Variants in FANCA observed in about 807,000 individuals in gnomAD.
FANCA encodes Fanconi anemia group A protein.
FANCA carries 236 observed loss-of-function variants against 194.3 expected under a neutral mutation model. That is an observed-to-expected ratio of 1.21 (90% CI 1.09 to 1.35). The LOEUF is 1.35. FANCA is among the 40% of genes most tolerant of loss of function. The probability of loss-of-function intolerance (pLI) is 0.00; values close to 1 mark genes in which losing one functional copy is unlikely to be tolerated. For synonymous variants in FANCA, 1,014 were observed against 715.8 expected (o/e 1.42, Z -6.65); for missense variants, 2,628 against 1,813.9 (o/e 1.45, Z -8.15).
chr16:89,815,262 C>T (rs2041060135), intron 2 of FANCA, among the ~76,000 whole-genome samples: 1 of 151,128 alleles, frequency 6.6e-6, no homozygotes, highest in Non-Finnish European at 1.5e-5. Context: ...GTCTCGAACT[C>T]CTAACCTCAA....
chr16:89,811,600 A>C (rs2040882845), intron 3 of FANCA, among the ~76,000 whole-genome samples: 1 of 152,220 alleles, frequency 6.6e-6, no homozygotes, highest in South Asian at 2.1e-4. Context: ...AACAGCCTGC[A>C]GGCAGCCACC....
chr16:89,801,842 C>T (rs531938103), intron 8 of FANCA, among the ~76,000 whole-genome samples: 50 of 151,868 alleles, frequency 3.3e-4, no homozygotes, highest in Admixed American at 9.2e-4. Context: ...GAGCCGAAAT[C>T]GCGCCACTGC....
intron 27 of FANCA, among the ~76,000 whole-genome samples, chr16:89,765,456 A>C (rs1436151598): frequency 6.6e-6 from 1 of 152,278 alleles, no homozygotes; most frequent in Non-Finnish European, 1.5e-5. Context: ...ACAGTGCTCC[A>C]GGGAAGAGCC....
At chr16:89,774,754 A>AAAAAAAAAAAAAAAAC (rs34932314) in intron 21 of FANCA, among the ~76,000 whole-genome samples, 2 of 145,840 alleles carry the variant, frequency 1.4e-5, no homozygotes, top group Non-Finnish European at 3.0e-5. Flanking sequence ...AAAAAAAAAA[A>AAAAAAAAAAAAAAAAC]TCTCAACGAG....
At chr16:89,814,753 C>T in intron 2 of FANCA, 140 bp from the exon 3 acceptor site, 1 of 656,842 alleles carries the variant, frequency 1.5e-6, no homozygotes, top group Non-Finnish European at 2.8e-6. Context: ...CCAGCCTGGC[C>T]AACATAGTGA....
Position 89,799,220 on chromosome 16 carries a change from GCGTC to G in FANCA, c.835_838del (p.Asp279LeufsTer16). 6.2e-7 allele frequency: 1 copy of G among 1,614,056 alleles called. No homozygotes were observed. Among genetic ancestry groups the G allele is most frequent in the Non-Finnish European group, 8.5e-7 (1 of 1,180,034 alleles). The stretch of plus-strand genomic sequence containing the variant: ...CTCCTCCTGTACTCCAGCAGCCAAA[GCGTC>G]AAGTGCAACTGAAGACAGAGCCAGG... On this transcript the variant is annotated frameshift_variant, in exon 10 of 43. Transcript: ENST00000389301. LOFTEE classifies it high-confidence loss of function.
At position 89,782,912 on chromosome 16, in the gene FANCA, T is replaced by A. The variant is rs755925068; in HGVS notation, c.1573A>T (p.Ile525Leu). Residue 525 changes from isoleucine to leucine, a missense_variant, in exon 17 of 43, where the codon ATA (isoleucine) becomes TTA (leucine). By Grantham distance (5) the Ile-to-Leu change is conservative. Coordinates refer to ENST00000389301, the MANE Select transcript of FANCA (RefSeq NM_000135.4). ...TCCTCGTAGAGTCCCATGTTTTCTA[T>A]AGAAACCTTCAGGGAAGACACAGAA... ...KTRLADLKVS[I>L]ENMGLYEDLS... The A allele has an allele frequency of 6.2e-7, 1 of 1,614,018 alleles. No homozygotes were observed.
chr16:89,764,657 A>G, intron 28 of FANCA: 1 of 608,258 alleles, frequency 1.6e-6, no homozygotes. Context: ...TTTAGTCAAG[A>G]TTCCAATCAA....
chr16:89,738,453 C>T lies in FANCA; in HGVS notation c.*148G>A, dbSNP rs570739902. 36 of 1,405,290 alleles carry T rather than the reference C, an allele frequency of 2.6e-5. No homozygotes were observed. Among genetic ancestry groups the T allele is most frequent in the African/African-American group, 8.5e-5 (6 of 70,382 alleles). 87.1% of individuals were successfully genotyped at this position (1,405,290 alleles called of 1,614,324 possible). ...CCGCAAACGCTGAGTGACTCGGGGC[C>T]GGACAGTTCATAAATAATTGATTCC... On this transcript the variant is annotated 3_prime_UTR_variant, in exon 43 of 43. Coordinates refer to ENST00000389301, the MANE Select transcript of FANCA (RefSeq NM_000135.4).
chr16:89,780,379 T>G (rs999700114), intron 17 of FANCA, among the ~76,000 whole-genome samples: 2 of 152,068 alleles, frequency 1.3e-5, no homozygotes, highest in African/African-American at 4.8e-5. Context: ...CGCAGTGCTT[T>G]GAGAGGCTAA....
intron 14 of FANCA, among the ~76,000 whole-genome samples, chr16:89,786,828 A>G (rs2039914115): frequency 6.6e-6 from 1 of 152,108 alleles, no homozygotes; most frequent in Non-Finnish European, 1.5e-5. Flanking sequence ...ACCTGAGACC[A>G]CTCAAGGGTT....
chr16:89,763,431 C>T (rs1315193474), intron 28 of FANCA, among the ~76,000 whole-genome samples: 1 of 141,642 alleles, frequency 7.1e-6, no homozygotes, highest in Non-Finnish European at 1.6e-5. Flanking sequence ...ACATCTCAGC[C>T]TCCCAAAGTG....
chr16:89,790,718 C>T (rs962169153), intron 14 of FANCA, among the ~76,000 whole-genome samples: 14 of 148,508 alleles, frequency 9.4e-5, no homozygotes, highest in African/African-American at 2.5e-4. Flanking sequence ...CTAGCCTGGG[C>T]GACAGAGGAA....
chr16:89,816,144 G>T (rs758370471), intron 1 of FANCA, 158 bp from the exon 2 acceptor site: 1 of 685,354 alleles, frequency 1.5e-6, no homozygotes, highest in South Asian at 1.5e-5. Flanking sequence ...GGAAACTAAC[G>T]GAGACGGCCC....
intron 11 of FANCA, among the ~76,000 whole-genome samples, chr16:89,794,293 T>C (rs2040171286): frequency 6.6e-6 from 1 of 152,050 alleles, no homozygotes; most frequent in African/African-American, 2.4e-5. Context: ...GGCTCACGCC[T>C]GTAATCCCAC....
chr16:89,787,406 C>A (rs2039934509), intron 14 of FANCA, among the ~76,000 whole-genome samples: 1 of 152,046 alleles, frequency 6.6e-6, no homozygotes, highest in Non-Finnish European at 1.5e-5. Flanking sequence ...GCCTGTAGTC[C>A]CAGCTACTCA....
chr16:89,795,457 T>C (rs930271001), intron 11 of FANCA, among the ~76,000 whole-genome samples: 1 of 151,974 alleles, frequency 6.6e-6, no homozygotes, highest in African/African-American at 2.4e-5. Context: ...GCCAACATGG[T>C]GAAACCCAGT....
chr16:89,812,696 A>C (rs2040942990), intron 3 of FANCA, among the ~76,000 whole-genome samples: 1 of 149,096 alleles, frequency 6.7e-6, no homozygotes, highest in Non-Finnish European at 1.5e-5. Context: ...CGAACCTGTT[A>C]TTGTAATGTA....
chr16:89,778,915 T>A (rs2039609221), intron 19 of FANCA, 28 bp downstream of exon 19: 1 of 1,613,958 alleles, frequency 6.2e-7, no homozygotes, highest in African/African-American at 1.3e-5. Context: ...ACACAACTGG[T>A]CACAAACTCA....
Sources: gnomAD v4.1 joint callset for allele counts (sites outside exome capture counted in the v4.1 genomes callset) on GRCh38, gnomAD v4.1.1 for gene constraint, MANE v1.5 for transcripts, NCBI Gene and HGNC (gene_info 2026-07-23, HGNC 2026-07-21) for gene names.